KMT2C: variants seen among roughly 807,000 people sequenced by gnomAD.
The protein encoded by KMT2C is histone-lysine N-methyltransferase 2C.
KMT2C carries 88 observed loss-of-function variants against 507.9 expected under a neutral mutation model. The observed-to-expected ratio is 0.17, with a 90% CI of 0.15 to 0.21. The LOEUF (loss-of-function observed/expected upper bound fraction) is 0.21, where lower values mean the gene tolerates loss of function less well. Ranked by LOEUF, KMT2C falls within the 10% of genes least tolerant of loss-of-function variation. The pLI, the probability that KMT2C is intolerant of heterozygous loss-of-function variation, is 1.00. For synonymous variants in KMT2C, 2,049 were observed against 2,080.8 expected, an observed-to-expected ratio of 0.98 and a Z score of 0.42; for missense variants, 4,954 against 5,957.8, an observed-to-expected ratio of 0.83 and a Z score of 5.55.
chr7:152,140,987 C>T (rs757806009), intron 55 of KMT2C, among the ~76,000 whole-genome samples: 3 of 152,214 alleles, frequency 2.0e-5, no homozygotes, highest in Non-Finnish European at 4.4e-5. Flanking sequence ...TGCCTATAAT[C>T]CCACCACTTT....
chr7:152,283,910 C>A (rs1166999231), intron 6 of KMT2C, among the ~76,000 whole-genome samples: 1 of 152,042 alleles, frequency 6.6e-6, no homozygotes, highest in Non-Finnish European at 1.5e-5. Flanking sequence ...TATATAATCA[C>A]AGCAAATAAC....
intron 46 of KMT2C, chr7:152,154,771 C>T (rs1056785107): frequency 9.7e-6 from 2 of 207,076 alleles, no homozygotes; most frequent in Admixed American, 5.5e-5. Flanking sequence ...GATCGTTGAG[C>T]CTAGGGCAGC....
chr7:152,432,078 G>A (rs1316526058), intron 1 of KMT2C, among the ~76,000 whole-genome samples: 2 of 152,106 alleles, frequency 1.3e-5, no homozygotes, highest in Non-Finnish European at 2.9e-5. Flanking sequence ...TAATGCTTAA[G>A]GTGGCTCTCT....
chr7:152,399,225 T>A (rs924658653), intron 1 of KMT2C, among the ~76,000 whole-genome samples: 1 of 152,164 alleles, frequency 6.6e-6, no homozygotes, highest in Non-Finnish European at 1.5e-5. Flanking sequence ...ACTGGATAAA[T>A]AAATATCTAA....
In KMT2C at chr7:152,136,825, A is replaced by G. The variant is rs1010853949; in HGVS notation, c.*7T>C. The G allele has an allele frequency of 6.2e-7, 1 of 1,604,144 alleles. No homozygotes were observed. The highest frequency in any genetic ancestry group is 1.3e-5 in the African/African-American group (1 of 74,716). On this transcript the variant is annotated 3_prime_UTR_variant, in exon 59 of 59. Transcript: ENST00000262189. ...AAGCCGCCCGCTGAGCTAGCAAGGA[A>G]TGCATTTCAGTTCATCCACTTCCGG...
At chr7:152,193,734 G>A (rs938823233) in intron 31 of KMT2C, among the ~76,000 whole-genome samples, 4 of 152,116 alleles carry the variant, frequency 2.6e-5, no homozygotes, top group Non-Finnish European at 5.9e-5. Flanking sequence ...CTAGAGTGGA[G>A]TGAGCTGGGA....
Position 152,144,980 on chromosome 7 carries a change from A to G in KMT2C, c.14175-99T>C. The G allele has an allele frequency of 7.1e-7, 1 of 1,405,682 alleles. No homozygotes were observed. Among genetic ancestry groups the G allele is most frequent in the Non-Finnish European group, 9.6e-7 (1 of 1,040,024 alleles). 87.1% of individuals were successfully genotyped at this position (1,405,682 alleles called of 1,614,324 possible). ...CAGGTTAATTCAGATTCTTACTGAC[A>G]GAAACATACATGGAAAGCTGCCTAG... On this transcript the variant is annotated intron_variant, in intron 54 of 58. Transcript: ENST00000262189. This position sits in a 1 kb window ranked among gnomAD's most constrained non-coding sequence, Gnocchi z 4.4.
chr7:152,235,596 A>G (rs1316797072), intron 16 of KMT2C, among the ~76,000 whole-genome samples: 12 of 152,244 alleles, frequency 7.9e-5, no homozygotes, highest in African/African-American at 2.7e-4. Flanking sequence ...GTTGGCATAG[A>G]AAGATAAGGA....
In KMT2C at chr7:152,176,400, C is replaced by A. The variant is rs779395355; in HGVS notation, c.9053G>T (p.Ser3018Ile). ...AGACATGCTACTGGTACCAGACTGACTTGTTTGAGGCCCAGTTTGAGTTGC... is the reference window on the plus strand; with the variant it reads ...AGACATGCTACTGGTACCAGACTGAATTGTTTGAGGCCCAGTTTGAGTTGC... ...KPATQTGPQT[S>I]QSGTSSMSGP... Residue 3018 changes from serine (S) to isoleucine (I), a missense_variant, in exon 38 of 59, where the codon AGT (serine) becomes ATT (isoleucine). Physicochemically the swap from Ser to Ile is moderately radical, Grantham distance 142 (BLOSUM62 -2). Coordinates refer to ENST00000262189, the MANE Select transcript of KMT2C (RefSeq NM_170606.3). The A allele has an allele frequency of 6.2e-7, 1 of 1,614,140 alleles. No individual in the cohort carries two copies. The highest frequency in any genetic ancestry group is 8.5e-7 in the Non-Finnish European group (1 of 1,180,012).
At chr7:152,339,347 GTGTT>G (rs1393475857) in intron 2 of KMT2C, among the ~76,000 whole-genome samples, 7 of 152,156 alleles carry the variant, frequency 4.6e-5, no homozygotes, top group African/African-American at 1.7e-4. Flanking sequence ...GGATACCTAA[GTGTT>G]TGTCACCAAC....
At chr7:152,415,634 G>A (rs73491332) in intron 1 of KMT2C, among the ~76,000 whole-genome samples, 5 of 151,954 alleles carry the variant, frequency 3.3e-5, no homozygotes, top group Admixed American at 6.5e-5. Context: ...TAATCCCAAC[G>A]CTTTGGGAGG....
chr7:152,164,108 T>C (rs1275394327), intron 42 of KMT2C, among the ~76,000 whole-genome samples: 5 of 152,184 alleles, frequency 3.3e-5, no homozygotes, highest in Non-Finnish European at 4.4e-5. Context: ...TAAAATCTTA[T>C]GGTGAAACTC....
Position 152,248,454 on chromosome 7 carries a change from G to C in KMT2C, c.1980C>G (p.Ile660Met), listed in dbSNP as rs2129164408. ...ACTGCAGTTGTTCTTGCTGCACAGTGATCTGGTGTGTAACGACTTCAATGT... is the reference window on the plus strand; with the variant it reads ...ACTGCAGTTGTTCTTGCTGCACAGTCATCTGGTGTGTAACGACTTCAATGT... Reference protein sequence around the residue: ...TENIEVVTHQITVQQEQLQLL... With the variant: ...TENIEVVTHQMTVQQEQLQLL... The change falls in exon 14 of 59, where the codon ATC becomes ATG. Residue 660 changes from isoleucine to methionine, a missense_variant. Ile to Met is a conservative substitution (Grantham distance 10). Around this residue, in one of 29 missense-constraint regions of KMT2C, gnomAD observed 376 missense variants for 352.4 expected, o/e 1.07. Transcript: ENST00000262189. 1 of 1,614,096 alleles carries C rather than the reference G, an allele frequency of 6.2e-7. No homozygotes were observed. The highest frequency in any genetic ancestry group is 8.5e-7 in the Non-Finnish European group (1 of 1,180,000).
intron 26 of KMT2C, among the ~76,000 whole-genome samples, chr7:152,200,270 A>T (rs776558700): frequency 1.3e-5 from 2 of 152,246 alleles, no homozygotes; most frequent in Non-Finnish European, 2.9e-5. Flanking sequence ...TCAAGAAGTA[A>T]AAATGGCCTT....
At position 152,171,376 on chromosome 7, in the gene KMT2C, G is replaced by A. The variant is rs370516840; in HGVS notation, c.9375-34C>T. 14 of 1,363,632 alleles carry A rather than the reference G, an allele frequency of 1.0e-5. 1 individual carries two copies. Among genetic ancestry groups the A allele is most frequent in the African/African-American group, 2.9e-5 (2 of 68,414 alleles). The allele number at this position is 1,363,632 out of a possible 1,614,324, so 84.5% of individuals were successfully genotyped here. On this transcript the variant is annotated intron_variant, in intron 39 of 58. Transcript: ENST00000262189. ...ACAGGGTACACAAGTATCAAGTGAT[G>A]AGCGTTTAGAAATTATTAATATTAA...
At chr7:152,158,507 GTTTGT>G (rs2092238049) in intron 44 of KMT2C, among the ~76,000 whole-genome samples, 1 of 100,862 alleles carries the variant, frequency 9.9e-6, no homozygotes. Context: ...TCCTTGAATT[GTTTGT>G]TTTTTTTTTG....
chr7:152,196,307 GAA>G (rs1387613465), intron 27 of KMT2C, among the ~76,000 whole-genome samples: 1 of 151,912 alleles, frequency 6.6e-6, no homozygotes, highest in Admixed American at 6.6e-5. Context: ...ACAAAGCAAA[GAA>G]AAAAAAGTTT....
chr7:152,253,543 AT>A (rs1398401489), intron 9 of KMT2C, among the ~76,000 whole-genome samples: 24 of 147,598 alleles, frequency 1.6e-4, no homozygotes, highest in Middle Eastern at 3.5e-3. Flanking sequence ...AAAAAAAAAA[AT>A]TTAATTAGCC....
Position 152,164,694 on chromosome 7 carries a change from C to T in KMT2C, c.9751-868G>A, listed in dbSNP as rs555919965. Among the ~76,000 whole-genome samples, 8 of 152,266 alleles carry T rather than the reference C, an allele frequency of 5.3e-5. No individual in the cohort carries two copies. In the East Asian group the frequency reaches 1.3e-3, roughly 26 times the overall value. On this transcript the variant is annotated intron_variant, in intron 42 of 58. Coordinates refer to ENST00000262189, the MANE Select transcript of KMT2C (RefSeq NM_170606.3). ...AACACTTTCAATTTAATGGCTAACA[C>T]TCAAATTATAATTTCTGAAATCTAT...
Sources: gnomAD v4.1 joint callset for allele counts (sites outside exome capture counted in the v4.1 genomes callset) on GRCh38, gnomAD v4.1.1 for gene constraint, gnomAD v4.1.1 regional missense constraint, Gnocchi (gnomAD v3.1) non-coding constraint, MANE v1.5 for transcripts, NCBI Gene and HGNC (gene_info 2026-07-23, HGNC 2026-07-21) for gene names.